The following ZFYVE16 variants were observed in gnomAD, a reference collection of about 807,000 sequenced individuals.
The protein encoded by ZFYVE16 is zinc finger FYVE-type containing 16.
A neutral mutation model predicts 138.1 loss-of-function variants in ZFYVE16; 89 were observed. The observed-to-expected ratio is 0.64, with a 90% CI of 0.54 to 0.77. The LOEUF is 0.77. Ranked by LOEUF, ZFYVE16 falls within the 30% of genes least tolerant of loss-of-function variation. ZFYVE16 has a pLI of 0.00. For missense variants in ZFYVE16, 1,793 were observed against 1,786.7 expected, an observed-to-expected ratio of 1.00 and a Z score of -0.06; for synonymous variants, 596 against 618.3, an observed-to-expected ratio of 0.96 and a Z score of 0.53.
rs963567031 is a variant in ZFYVE16 at position 80,482,807 on chromosome 5, T to A, written c.*5430T>A. The A allele has an allele frequency of 1.1e-4, 16 of 152,052 alleles. No homozygotes were observed. Among genetic ancestry groups the A allele is most frequent in the African/African-American group, 3.9e-4 (16 of 41,424 alleles). The allele number at this position is 152,052 out of a possible 1,614,324, so 9.4% of individuals were successfully genotyped here. ...AAAACTGTCAACACAGAATCCTTTA[T>A]CCAGCAAATATATTCTTTAGGAAAG... is the stretch of plus-strand genomic sequence containing the variant. On this transcript the variant is annotated 3_prime_UTR_variant, in exon 19 of 19. Transcript: ENST00000505560.
chr5:80,439,124 T>C, intron 4 of ZFYVE16, 117 bp downstream of exon 4: 1 of 1,116,214 alleles, frequency 9.0e-7, no homozygotes, highest in Non-Finnish European at 1.2e-6. Context: ...TTAAAATCAG[T>C]GTTTTTCATC....
At chr5:80,461,629 T>C (rs1753122631) in intron 15 of ZFYVE16, among the ~76,000 whole-genome samples, 1 of 152,182 alleles carries the variant, frequency 6.6e-6, no homozygotes, top group Non-Finnish European at 1.5e-5. Context: ...TGTGGCCTTT[T>C]CTCTGTGTGA....
intron 14 of ZFYVE16, among the ~76,000 whole-genome samples, chr5:80,458,852 CT>C (rs1752801185): frequency 6.6e-6 from 1 of 152,196 alleles, no homozygotes; most frequent in South Asian, 2.1e-4. Context: ...GTTTGATTTC[CT>C]ACACCCTCAC....
chr5:80,441,450 C>T, intron 5 of ZFYVE16: 1 of 985,108 alleles, frequency 1.0e-6, no homozygotes, highest in Non-Finnish European at 1.2e-6. Context: ...ATTTATGGTG[C>T]TATTTGTCAT....
At chr5:80,407,730 G>A (rs1397636896), upstream of ZFYVE16, among the ~76,000 whole-genome samples, 3 of 152,240 alleles carry the variant, frequency 2.0e-5, no homozygotes, top group Admixed American at 2.0e-4. Flanking sequence ...CTGGAGCCGG[G>A]GAAGCTGCCT....
intron 18 of ZFYVE16, 135 bp downstream of exon 18, chr5:80,474,965 A>C: frequency 1.1e-6 from 1 of 940,452 alleles, no homozygotes; most frequent in South Asian, 1.9e-5. Context: ...CACTTCACAT[A>C]TATTATCTGT....
At chr5:80,416,475 C>T (rs1198530520) in intron 1 of ZFYVE16, among the ~76,000 whole-genome samples, 1 of 151,050 alleles carries the variant, frequency 6.6e-6, no homozygotes, top group Non-Finnish European at 1.5e-5. Context: ...AGGATGGTCT[C>T]GATCTCTTGA....
intron 5 of ZFYVE16, 119 bp from the exon 6 acceptor site, chr5:80,443,004 G>C: frequency 2.0e-6 from 2 of 1,009,936 alleles, no homozygotes; most frequent in Non-Finnish European, 2.8e-6. Flanking sequence ...TCTTTTTCTT[G>C]ATTAGCCATT....
At chr5:80,451,387 A>T in intron 10 of ZFYVE16, 98 bp from the exon 11 acceptor site, 1 of 858,498 alleles carries the variant, frequency 1.2e-6, no homozygotes, top group Non-Finnish European at 1.8e-6. Flanking sequence ...GTTTATATGT[A>T]TTGGATCAGT....
At chr5:80,474,513 T>C (rs145842696) in intron 17 of ZFYVE16, 150 bp from the exon 18 acceptor site, 6 of 802,532 alleles carry the variant, frequency 7.5e-6, no homozygotes, top group Admixed American at 6.1e-5. Context: ...TTTTTACTTA[T>C]AGTACAGATC....
At chr5:80,429,427 C>A (rs1748642724) in intron 2 of ZFYVE16, among the ~76,000 whole-genome samples, 1 of 152,200 alleles carries the variant, frequency 6.6e-6, no homozygotes, top group South Asian at 2.1e-4. Context: ...ACTAGGCCTG[C>A]TGTACAAGAG....
intron 15 of ZFYVE16, among the ~76,000 whole-genome samples, chr5:80,466,622 C>T (rs1753782589): frequency 6.6e-6 from 1 of 152,132 alleles, no homozygotes; most frequent in Admixed American, 6.5e-5. Context: ...CTGTTACTTG[C>T]TTTTCCCTTC....
intron 1 of ZFYVE16, chr5:80,410,284 G>A (rs2112115841): frequency 6.6e-6 from 1 of 151,938 alleles, no homozygotes; most frequent in African/African-American, 2.4e-5. Flanking sequence ...GTTTTCATGG[G>A]AGATAGTACC....
intron 16 of ZFYVE16, 75 bp downstream of exon 16, chr5:80,472,998 T>A: frequency 1.6e-6 from 2 of 1,272,636 alleles, no homozygotes; most frequent in Non-Finnish European, 2.1e-6. Context: ...TTAATAAAAT[T>A]AAATATTTTA....
intron 1 of ZFYVE16, among the ~76,000 whole-genome samples, chr5:80,413,909 GT>G (rs1366885916): frequency 6.6e-6 from 1 of 152,068 alleles, no homozygotes; most frequent in Non-Finnish European, 1.5e-5. Flanking sequence ...GGGAGTTTAG[GT>G]TTTTTGTACC....
In ZFYVE16 at chr5:80,456,675, CAACA is replaced by C. The variant is rs1046319942; in HGVS notation, c.3795+115_3795+118del. 22 of 934,850 alleles carry C rather than the reference CAACA, an allele frequency of 2.4e-5. 1 individual carries two copies. In the African/African-American group the frequency reaches 3.0e-4, roughly 13 times the overall value. 57.9% of individuals were successfully genotyped at this position (934,850 alleles called of 1,614,324 possible). A position where few individuals can be genotyped will look rare whatever the true frequency, so the allele number is the denominator to read the frequency against. ...AATTAGACTATCTAATGTATTATGG[CAACA>C]AACATTGTTTTTGAAATGATAGAAT... On this transcript the variant is annotated intron_variant, in intron 13 of 18. Coordinates refer to ENST00000505560, the MANE Select transcript of ZFYVE16 (RefSeq NM_001284236.3).
chr5:80,481,016 G>C lies in ZFYVE16; in HGVS notation c.*3639G>C, dbSNP rs574289049. Among the ~76,000 whole-genome samples, 9 of 152,336 alleles carry C rather than the reference G, an allele frequency of 5.9e-5. No individual in the cohort carries two copies. The highest frequency in any genetic ancestry group is 2.2e-4 in the African/African-American group (9 of 41,566). Reference sequence around the variant, plus strand: ...TTCTAGTCAGAGGACCAGAAAGGAGGTTGGAGGCTATGGGACAAAACCCTT... The same window carrying C: ...TTCTAGTCAGAGGACCAGAAAGGAGCTTGGAGGCTATGGGACAAAACCCTT... On this transcript the variant is annotated 3_prime_UTR_variant, in exon 19 of 19. Transcript: ENST00000505560.
In ZFYVE16 at chr5:80,481,884, A is replaced by G. The variant is rs946284933; in HGVS notation, c.*4507A>G. 1.3e-5 allele frequency among the ~76,000 whole-genome samples: 2 copies of G among 152,302 alleles called. No individual in the cohort carries two copies. The highest frequency in any genetic ancestry group is 4.8e-5 in the African/African-American group (2 of 41,566). ...ACCCAGGCTAGAGTGCAGTGATACAATCTTGGCTCACTGCAACCTCCACCC... is the reference window on the plus strand; with the variant it reads ...ACCCAGGCTAGAGTGCAGTGATACAGTCTTGGCTCACTGCAACCTCCACCC... On this transcript the variant is annotated 3_prime_UTR_variant, in exon 19 of 19. Transcript: ENST00000505560.
intron 7 of ZFYVE16, among the ~76,000 whole-genome samples, chr5:80,446,710 C>T (rs1350727447): frequency 2.0e-5 from 3 of 151,978 alleles, no homozygotes; most frequent in Non-Finnish European, 4.4e-5. Flanking sequence ...ATACTAATAT[C>T]TATTTAGTTA....
Sources: gnomAD v4.1 joint callset for allele counts (sites outside exome capture counted in the v4.1 genomes callset) on GRCh38, gnomAD v4.1.1 for gene constraint, MANE v1.5 for transcripts, NCBI Gene and HGNC (gene_info 2026-07-23, HGNC 2026-07-21) for gene names.